Variants in KIAA1210 observed in about 807,000 individuals in gnomAD.
KIAA1210 encodes the protein KIAA1210.
KIAA1210 carries 48 observed loss-of-function variants against 78.9 expected under a neutral mutation model. The observed-to-expected ratio is 0.61, with a 90% CI of 0.48 to 0.77. KIAA1210 has a LOEUF of 0.77. Among genes scored for constraint, KIAA1210 ranks in the 30% least tolerant of loss-of-function variants. The pLI is 0.00. For missense variants in KIAA1210, 1,108 were observed against 1,100.0 expected (o/e 1.01, Z -0.10); for synonymous variants, 406 against 404.5 (o/e 1.00, Z -0.04).
chrX:119,085,082 A>G (rs1439540207), intron 10 of KIAA1210, among the ~76,000 whole-genome samples: 4 of 111,985 alleles, frequency 3.6e-5, no homozygotes, highest in Non-Finnish European at 7.5e-5. Context: ...GAGTTTCAGC[A>G]TGTTGCCTAA....
Position 119,150,305 on chromosome X carries a change from G to A in KIAA1210, c.275C>T (p.Thr92Ile), listed in dbSNP as rs1262944586. 1 of 1,205,120 alleles carries A rather than the reference G, an allele frequency of 8.3e-7. No individual in the cohort carries two copies. Among genetic ancestry groups the A allele is most frequent in the East Asian group, 3.0e-5 (1 of 33,601 alleles). Residue 92 changes from threonine to isoleucine, a missense_variant, in exon 1 of 14, where the codon ACC (threonine) becomes ATC (isoleucine). Transcript: ENST00000402510. Reference sequence around the variant, plus strand: ...CCACAAAGTACCCCTGCACCAAGTGGTAGGGAATCGCGGTGTGCAGGGCAG... The same window carrying A: ...CCACAAAGTACCCCTGCACCAAGTGATAGGGAATCGCGGTGTGCAGGGCAG...
chrX:119,086,484 CTTTGCTTTCCAG>C, intron 9 of KIAA1210, 50 bp downstream of exon 9: 1 of 1,029,820 alleles, frequency 9.7e-7, no homozygotes, highest in Non-Finnish European at 1.3e-6. Context: ...CCATTCAAGG[CTTTGCTTTCCAG>C]TTGTTTCCAC....
At chrX:119,091,880 C>A (rs184106247) in intron 8 of KIAA1210, among the ~76,000 whole-genome samples, 12 of 111,647 alleles carry the variant, frequency 1.1e-4, no homozygotes, top group African/African-American at 3.9e-4. Flanking sequence ...TAAATGGGAG[C>A]TAAGCTATGG....
chrX:119,121,148 G>T (rs1037106359), intron 2 of KIAA1210, among the ~76,000 whole-genome samples: 1 of 111,278 alleles, frequency 9.0e-6, no homozygotes, highest in Non-Finnish European at 1.9e-5. Flanking sequence ...AATCTGAGAT[G>T]GTTGCCATAT....
rs747482768 is a variant in KIAA1210 at position 119,083,094 on chromosome X, T to G, written c.4347A>C (p.Gln1449His). The change falls in exon 11 of 12, where the codon CAA (glutamine) becomes CAC (histidine). Residue 1449 changes from glutamine (Q) to histidine (H), a missense_variant. Gln to His is a conservative substitution (Grantham distance 24). Around this residue, in one of 5 missense-constraint regions of KIAA1210, gnomAD observed 245 missense variants for 278.8 expected, o/e 0.88. Coordinates refer to ENST00000691062, the MANE Select transcript of KIAA1210 (RefSeq NM_001394962.1). Reference sequence around the variant, plus strand: ...CACTGGAAGTGAACATCTTTTTAGGTTGGTTTTCATTTGCAGAGCCAGCTC... The same window carrying G: ...CACTGGAAGTGAACATCTTTTTAGGGTGGTTTTCATTTGCAGAGCCAGCTC... ...YEGAGSANEN[Q>H]PKKMFTSSVH... 2 of 1,206,195 alleles carry G rather than the reference T, an allele frequency of 1.7e-6. No homozygotes were observed. Among genetic ancestry groups the G allele is most frequent in the Non-Finnish European group, 2.2e-6 (2 of 892,791 alleles).
At chrX:119,132,341 A>G (rs940566784), upstream of KIAA1210, among the ~76,000 whole-genome samples, 23 of 111,565 alleles carry the variant, frequency 2.1e-4, no homozygotes, top group Non-Finnish European at 1.5e-4. Flanking sequence ...AGAGTCCTAG[A>G]GGCTCTAGCT....
intron 2 of KIAA1210, among the ~76,000 whole-genome samples, chrX:119,132,820 T>C (rs1928824728): frequency 1.8e-5 from 2 of 111,358 alleles, no homozygotes; most frequent in South Asian, 7.6e-4. Flanking sequence ...ACTTTTCTTG[T>C]TGGGGGGGTC....
chrX:119,096,546 C>A lies in KIAA1210; in HGVS notation c.794G>T (p.Arg265Leu). 1.7e-6 allele frequency: 2 copies of A among 1,210,428 alleles called. No individual in the cohort carries two copies. The highest frequency in any genetic ancestry group is 1.1e-6 in the Non-Finnish European group (1 of 894,845). Residue 265 changes from arginine (R) to leucine (L), a missense_variant, in exon 7 of 12, where the codon CGC (arginine) becomes CTC (leucine). By Grantham distance (102) the Arg-to-Leu change is moderately radical. Transcript: ENST00000691062. ...TQGCLDSSAARHKMTLNPRKQ... is the reference protein window; with the variant it reads ...TQGCLDSSAALHKMTLNPRKQ... ...GCGGGGATTTAAAGTCATTTTGTGG[C>A]GAGCAGCTGAAGAATCCAAACAGCC...
chrX:119,098,472 G>A (rs766831137), intron 6 of KIAA1210, among the ~76,000 whole-genome samples: 89 of 110,617 alleles, frequency 8.0e-4, no homozygotes, highest in Non-Finnish European at 1.4e-3. Flanking sequence ...GGGTGTGGTG[G>A]CAGATGCCTG....
At chrX:119,125,735 A>ATATATATATATATATATATATATATATT (rs5903546) in intron 1 of KIAA1210, among the ~76,000 whole-genome samples, 1 of 15,791 alleles carries the variant, frequency 6.3e-5, no homozygotes, top group Non-Finnish European at 1.0e-4. Flanking sequence ...ATATATATAT[A>ATATATATATATATATATATATATATATT]TTTTTTTTTT....
intron 2 of KIAA1210, among the ~76,000 whole-genome samples, chrX:119,132,865 G>A (rs1198254839): frequency 9.0e-6 from 1 of 111,540 alleles, no homozygotes; most frequent in Non-Finnish European, 1.9e-5. Flanking sequence ...CAAACTACTG[G>A]GCTCAAGCAA....
At chrX:119,126,089 G>C (rs955871643) in intron 1 of KIAA1210, among the ~76,000 whole-genome samples, 9 of 108,822 alleles carry the variant, frequency 8.3e-5, no homozygotes, top group African/African-American at 2.7e-4. Context: ...GAATCCCCTT[G>C]CCACTCCAGA....
chrX:119,099,533 A>C (rs1383804022), intron 6 of KIAA1210, among the ~76,000 whole-genome samples: 1 of 112,732 alleles, frequency 8.9e-6, no homozygotes, highest in Non-Finnish European at 1.9e-5. Flanking sequence ...GCTCAAGCTC[A>C]GACATGTGAT....
chrX:119,114,366 G>A (rs1206081824), intron 3 of KIAA1210, among the ~76,000 whole-genome samples: 1 of 112,044 alleles, frequency 8.9e-6, no homozygotes, highest in East Asian at 2.8e-4. Context: ...TGCTATCCAG[G>A]TGGCCCTGGT....
At chrX:119,133,810 A>G (rs1350271312) in intron 2 of KIAA1210, among the ~76,000 whole-genome samples, 1 of 109,362 alleles carries the variant, frequency 9.1e-6, no homozygotes, top group Admixed American at 9.8e-5. Context: ...AAACTGATGC[A>G]TGGCTTTGGT....
At chrX:119,124,258 G>A (rs1928554770) in intron 1 of KIAA1210, among the ~76,000 whole-genome samples, 1 of 112,281 alleles carries the variant, frequency 8.9e-6, no homozygotes, top group Non-Finnish European at 1.9e-5. Context: ...AAAGTCCTGG[G>A]ATTACAGGCA....
chrX:119,129,003 C>G (rs1014468398), upstream of KIAA1210, among the ~76,000 whole-genome samples: 6 of 112,356 alleles, frequency 5.3e-5, no homozygotes, highest in Admixed American at 2.8e-4. Context: ...TCTTCATAGC[C>G]CTCACTGCTG....
In KIAA1210 at chrX:119,087,152, T is replaced by A. The variant is rs772260443; in HGVS notation, c.3550A>T (p.Ser1184Cys). Residue 1184 changes from serine (S) to cysteine (C), a missense_variant, in exon 9 of 12, where the codon AGC (serine) becomes TGC (cysteine). Transcript: ENST00000691062. ...CTTGAAGGCAGGTGCTTCTCACCGC[T>A]GCTCTGCTTTACAGGTACATTCACT... Reference protein sequence around the residue: ...GPVNVPVKQSSGEKHLPSSSP... With the variant: ...GPVNVPVKQSCGEKHLPSSSP... 3.3e-6 allele frequency: 4 copies of A among 1,210,285 alleles called. No individual in the cohort carries two copies. In the African/African-American group the frequency reaches 7.0e-5, roughly 21 times the overall value.
chrX:119,106,285 A>G (rs920587961), intron 5 of KIAA1210, among the ~76,000 whole-genome samples: 14 of 112,518 alleles, frequency 1.2e-4, no homozygotes, highest in Non-Finnish European at 1.9e-4. Flanking sequence ...CTCCATAGAT[A>G]CATCTCACTG....
Sources: gnomAD v4.1 joint callset for allele counts (sites outside exome capture counted in the v4.1 genomes callset) on GRCh38, gnomAD v4.1.1 for gene constraint, gnomAD v4.1.1 regional missense constraint, MANE v1.5 for transcripts, NCBI Gene and HGNC (gene_info 2026-07-23, HGNC 2026-07-21) for gene names.